The following MAP3K8 variants were observed in gnomAD, a reference collection of about 807,000 sequenced individuals.
MAP3K8 encodes Ewing sarcoma transformant.
Under a neutral mutation model 45.8 loss-of-function variants are expected in MAP3K8, and 22 were observed. The ratio of observed to expected loss-of-function variants is 0.48; its 90% confidence interval spans 0.34 to 0.69. MAP3K8 has a LOEUF of 0.69. Ranked by LOEUF, MAP3K8 falls within the 30% of genes least tolerant of loss-of-function variation. The pLI, the probability that MAP3K8 is intolerant of heterozygous loss-of-function variation, is 0.01. For missense variants in MAP3K8, 419 were observed against 585.0 expected (o/e 0.72, Z 2.93); for synonymous variants, 223 against 214.3 (o/e 1.04, Z -0.36).
intron 7 of MAP3K8, 115 bp downstream of exon 7, chr10:30,458,351 A>G: frequency 3.3e-6 from 2 of 603,840 alleles, no homozygotes; most frequent in Non-Finnish European, 5.1e-6. Context: ...GAATGAGGCA[A>G]TGGTGAAATG....
At chr10:30,454,557 C>T (rs1402681228) in intron 6 of MAP3K8, among the ~76,000 whole-genome samples, 1 of 102,252 alleles carries the variant, frequency 9.8e-6, no homozygotes, top group African/African-American at 2.6e-5. Flanking sequence ...TAGAACAAGA[C>T]CTTGTCCTAA....
At chr10:30,450,838 T>C (rs781033190) in intron 5 of MAP3K8, among the ~76,000 whole-genome samples, 11 of 151,866 alleles carry the variant, frequency 7.2e-5, no homozygotes, top group Non-Finnish European at 1.2e-4. Flanking sequence ...TCTCAGCACT[T>C]TGGGATGCTG....
At position 30,458,113 on chromosome 10, in the gene MAP3K8, C is replaced by T. The variant is rs1836801233; in HGVS notation, c.903C>T (p.Cys301=). The change falls in exon 7 of 9, where the codon TGC becomes TGT. Residue 301 remains cysteine (C), a synonymous_variant. Transcript: ENST00000263056. ...EIYMSPEVIL[C]RGHSTKADIY... is the part of the protein sequence containing the mutation. ...ACATGAGCCCAGAGGTCATCCTGTG[C>T]AGGGGCCATTCAACCAAAGCAGACA... The T allele has an allele frequency of 6.3e-7, 1 of 1,588,560 alleles. No individual in the cohort carries two copies. Among genetic ancestry groups the T allele is most frequent in the East Asian group, 2.3e-5 (1 of 43,290 alleles).
intron 6 of MAP3K8, among the ~76,000 whole-genome samples, chr10:30,457,033 G>A (rs541022884): frequency 4.0e-5 from 6 of 151,780 alleles, no homozygotes; most frequent in East Asian, 1.9e-4. Context: ...GCAGTGAACC[G>A]AGATCGCACC....
At chr10:30,444,034 A>T (rs939194502) in intron 3 of MAP3K8, among the ~76,000 whole-genome samples, 22 of 151,918 alleles carry the variant, frequency 1.4e-4, no homozygotes, top group African/African-American at 5.1e-4. Flanking sequence ...ACAAAAAAAT[A>T]AAAAAGTCAG....
chr10:30,457,603 C>A (rs1836780501), intron 6 of MAP3K8, among the ~76,000 whole-genome samples: 1 of 152,160 alleles, frequency 6.6e-6, no homozygotes, highest in Admixed American at 6.5e-5. Flanking sequence ...TGGTTCTAGG[C>A]TCTTTGCCAC....
intron 4 of MAP3K8, among the ~76,000 whole-genome samples, chr10:30,449,401 C>T (rs1400300892): frequency 6.6e-6 from 1 of 152,114 alleles, no homozygotes; most frequent in Non-Finnish European, 1.5e-5. Context: ...CTCACCCCCA[C>T]GCCTGGCCTG....
At chr10:30,444,102 A>T (rs2132796053) in intron 3 of MAP3K8, among the ~76,000 whole-genome samples, 1 of 152,002 alleles carries the variant, frequency 6.6e-6, no homozygotes, top group South Asian at 2.1e-4. Flanking sequence ...AGATGGGAGG[A>T]TCACTTGAGT....
chr10:30,450,219 G>A (rs199634913), intron 4 of MAP3K8, 39 bp from the exon 5 acceptor site: 2 of 1,542,186 alleles, frequency 1.3e-6, no homozygotes, highest in Non-Finnish European at 1.7e-6. Flanking sequence ...AGATGACTTT[G>A]GGGTTATTTA....
rs539535216 is a variant in MAP3K8, at chr10:30,439,056, G to A, written c.118G>A (p.Ala40Thr). Residue 40 changes from alanine (A) to threonine (T), a missense_variant, in exon 3 of 9, where the codon GCA (alanine) becomes ACA (threonine). By Grantham distance (58) the Ala-to-Thr change is moderately conservative. Coordinates refer to ENST00000263056, the MANE Select transcript of MAP3K8 (RefSeq NM_005204.4). ...MENLYASEEP[A>T]VYEPSLMTMC... ...AAATCTTTATGCAAGTGAAGAGCCA[G>A]CAGTTTATGAACCCAGTCTAATGAC... 14 of 1,614,174 alleles carry A rather than the reference G, an allele frequency of 8.7e-6. No individual in the cohort carries two copies. In the South Asian group the frequency reaches 1.4e-4, roughly 16 times the overall value.
In MAP3K8 at chr10:30,451,758, C is replaced by T. The variant is rs867629514; in HGVS notation, c.873+14C>T. ...CGAGGAACAGAGGTAATTATGTTCA[C>T]ATGAAAAGGGTTACTATTTTATTAA... On this transcript the variant is annotated intron_variant, in intron 6 of 8. Coordinates refer to ENST00000263056, the MANE Select transcript of MAP3K8 (RefSeq NM_005204.4). 11 of 1,326,056 alleles carry T rather than the reference C, an allele frequency of 8.3e-6. No individual in the cohort carries two copies. In the Middle Eastern group the frequency reaches 5.6e-4, roughly 67 times the overall value. The allele number at this position is 1,326,056 out of a possible 1,614,324, so 82.1% of individuals were successfully genotyped here.
In MAP3K8 at chr10:30,459,396, C is replaced by T; in HGVS notation, c.1168C>T (p.Pro390Ser). 2 of 1,614,162 alleles carry T rather than the reference C, an allele frequency of 1.2e-6. No individual in the cohort carries two copies. The highest frequency in any genetic ancestry group is 1.7e-6 in the Non-Finnish European group (2 of 1,180,028). ...ADLLKHEALN[P>S]PREDQPRCQS... ...CCTACTAAAACATGAGGCCCTGAAC[C>T]CGCCCAGAGAGGATCAGCCACGCTG... is the stretch of plus-strand genomic sequence containing the variant. Residue 390 changes from proline to serine, a missense_variant, in exon 8 of 9, where the codon CCG becomes TCG. Physicochemically the swap from Pro to Ser is moderately conservative, Grantham distance 74. Coordinates refer to ENST00000263056, the MANE Select transcript of MAP3K8 (RefSeq NM_005204.4).
chr10:30,448,058 T>C (rs1353381681), intron 4 of MAP3K8, 109 bp downstream of exon 4: 1 of 983,506 alleles, frequency 1.0e-6, no homozygotes, highest in Non-Finnish European at 1.5e-6. Context: ...TTGGGTCTTA[T>C]CTGAGGGTGC....
At chr10:30,448,142 G>T (rs1836404044) in intron 4 of MAP3K8, among the ~76,000 whole-genome samples, 193 bp downstream of exon 4, 1 of 152,088 alleles carries the variant, frequency 6.6e-6, no homozygotes, top group African/African-American at 2.4e-5. Context: ...CTCTGTTTAG[G>T]TGCATAGTTG....
chr10:30,443,097 G>A (rs1490896419), intron 3 of MAP3K8, among the ~76,000 whole-genome samples: 1 of 151,972 alleles, frequency 6.6e-6, no homozygotes, highest in East Asian at 1.9e-4. Context: ...CTACTTATTG[G>A]CCATTAAAAA....
At position 30,450,266 on chromosome 10, in the gene MAP3K8, A is replaced by C; in HGVS notation, c.513A>C (p.Val171=). 1 of 1,599,366 alleles carries C rather than the reference A, an allele frequency of 6.3e-7. No homozygotes were observed. The highest frequency in any genetic ancestry group is 8.5e-7 in the Non-Finnish European group (1 of 1,170,466). ...KKRMACKLIP[V]DQFKPSDVEI... ...GTATTTTTGTGTTCTAGATCCCAGTAGATCAATTTAAGCCATCTGATGTGG... is the reference window on the plus strand; with the variant it reads ...GTATTTTTGTGTTCTAGATCCCAGTCGATCAATTTAAGCCATCTGATGTGG... Residue 171 remains valine (V), a synonymous_variant, in exon 5 of 9, where the codon GTA becomes GTC. Transcript: ENST00000263056.
At chr10:30,449,759 G>T (rs1394479941) in intron 4 of MAP3K8, among the ~76,000 whole-genome samples, 2 of 152,006 alleles carry the variant, frequency 1.3e-5, no homozygotes, top group Non-Finnish European at 2.9e-5. Context: ...ATCTGCCTGT[G>T]TTGGCCTCCC....
chr10:30,453,196 C>G (rs1405966448), intron 6 of MAP3K8, among the ~76,000 whole-genome samples: 1 of 152,094 alleles, frequency 6.6e-6, no homozygotes, highest in Admixed American at 6.6e-5. Flanking sequence ...CTTTCTAAGT[C>G]TAACCCTAAG....
At position 30,434,773 on chromosome 10, in the gene MAP3K8, G is replaced by C. The variant is rs969955284; in HGVS notation, c.-255+395G>C. ...GGTGAGTGCAGCTCGGAGGCTGGAG[G>C]ACCCGATCCTCCCAAATGCTGGGTG... On this transcript the variant is annotated intron_variant, in intron 1 of 8. Transcript: ENST00000263056. The C allele has an allele frequency of 1.1e-5, 11 of 985,444 alleles. No individual in the cohort carries two copies. In the African/African-American group the frequency reaches 1.7e-4, roughly 16 times the overall value. The allele number at this position is 985,444 out of a possible 1,614,324, so 61.0% of individuals were successfully genotyped here.
Sources: allele counts gnomAD v4.1 joint callset (sites outside exome capture counted in the v4.1 genomes callset), GRCh38; gene constraint gnomAD v4.1.1; transcripts MANE v1.5; gene names NCBI Gene and HGNC (gene_info 2026-07-23, HGNC 2026-07-21).